Variants in CORO1A observed in about 807,000 individuals in gnomAD.
CORO1A encodes the protein coronin-1A.
In CORO1A, 17 loss-of-function variants were observed where a neutral mutation model predicts 44.1. The observed-to-expected ratio is 0.39, with a 90% CI of 0.26 to 0.58. The LOEUF is 0.58. Among genes scored for constraint, CORO1A ranks in the 20% least tolerant of loss-of-function variants. CORO1A has a pLI of 0.62. For synonymous variants in CORO1A, 271 were observed against 244.2 expected (o/e 1.11, Z -1.02); for missense variants, 415 against 606.5 (o/e 0.68, Z 3.32).
Position 30,187,252 on chromosome 16 carries a change from C to T in CORO1A, c.636+29C>T, listed in dbSNP as rs748496776. 5.6e-6 allele frequency: 9 copies of T among 1,608,014 alleles called. No individual in the cohort carries two copies. In the East Asian group the frequency reaches 1.1e-4, roughly 20 times the overall value. On this transcript the variant is annotated intron_variant, in intron 5 of 10. Transcript: ENST00000219150. ...AGTCGCCATCTACCCTGACCTTTGA[C>T]CCTACAGCCTTTATCCTTCTTATCC... is the stretch of plus-strand genomic sequence containing the variant.
chr16:30,186,515 C>A (rs2073335935), intron 2 of CORO1A, 83 bp from the exon 3 acceptor site: 2 of 1,541,998 alleles, frequency 1.3e-6, no homozygotes, highest in African/African-American at 2.7e-5. Context: ...GCTTTCCTCT[C>A]TGGGCCTCTC....
chr16:30,187,242 T>G lies in CORO1A; in HGVS notation c.636+19T>G. 1 of 1,609,184 alleles carries G rather than the reference T, an allele frequency of 6.2e-7. No individual in the cohort carries two copies. The highest frequency in any genetic ancestry group is 8.5e-7 in the Non-Finnish European group (1 of 1,179,922). ...CGTAGCTGTGAGTCGCCATCTACCC[T>G]GACCTTTGACCCTACAGCCTTTATC... On this transcript the variant is annotated intron_variant, in intron 5 of 10. Transcript: ENST00000219150.
rs1282562636 is a variant in CORO1A at position 30,186,875 on chromosome 16, G to A, written c.381G>A (p.Leu127=). The A allele has an allele frequency of 8.7e-6, 14 of 1,612,388 alleles. No homozygotes were observed. Among genetic ancestry groups the A allele is most frequent in the Non-Finnish European group, 1.2e-5 (14 of 1,180,002 alleles). ...MLPLREPVVT[L]EGHTKRVGIV... ...CCCTGCGGGAGCCCGTCGTCACCCT[G>A]GAGGGCCACACCAAGCGTGTGGGCA... Residue 127 remains leucine (L), a synonymous_variant, in exon 4 of 11, where the codon CTG becomes CTA. Transcript: ENST00000219150.
intron 5 of CORO1A, 39 bp from the exon 6 acceptor site, chr16:30,187,343 T>A: frequency 1.2e-6 from 2 of 1,608,048 alleles, no homozygotes; most frequent in African/African-American, 2.7e-5. Flanking sequence ...CCGTAGGGTA[T>A]GTACGGGTGC....
Position 30,188,465 on chromosome 16 carries a change from C to A in CORO1A, c.1170C>A (p.Ile390=). 1.2e-6 allele frequency: 2 copies of A among 1,613,422 alleles called. No homozygotes were observed. Among genetic ancestry groups the A allele is most frequent in the Non-Finnish European group, 1.7e-6 (2 of 1,180,008 alleles). ...GTCGGGATGCTGGGCCCCTCCTCAT[C>A]TCCCTCAAGGATGGCTACGTACCCC... ...LGGRDAGPLL[I]SLKDGYVPPK... The change falls in exon 10 of 11, where the codon ATC becomes ATA. Residue 390 remains isoleucine, a synonymous_variant. Coordinates refer to ENST00000219150, the MANE Select transcript of CORO1A (RefSeq NM_007074.4).
At position 30,187,844 on chromosome 16, in the gene CORO1A, C is replaced by T. The variant is rs565893372; in HGVS notation, c.861+15C>T. 17 of 83,508 alleles carry T rather than the reference C, an allele frequency of 2.0e-4. No homozygotes were observed. Among genetic ancestry groups the T allele is most frequent in the Middle Eastern group, 1.4e-3 (1 of 696 alleles). 5.2% of individuals were successfully genotyped at this position (83,508 alleles called of 1,614,324 possible). A position where few individuals can be genotyped will look rare whatever the true frequency, so the allele number is the denominator to read the frequency against. On this transcript the variant is annotated intron_variant, in intron 7 of 10. Coordinates refer to ENST00000219150, the MANE Select transcript of CORO1A (RefSeq NM_007074.4). ...TCTGTGGCAAGGTGGCCTCGTCGGG[C>T]GGGGTGGGGGTGGGAGGTGGGCAGG...
rs1371784263 is a variant in CORO1A, at chr16:30,186,823, A to G, written c.329A>G (p.Glu110Gly). Reference sequence around the variant, plus strand: ...CTGGCCCCTCCTCTGCAGGTGTGGGAGATCCCAGATGGGGGCCTGATGCTG... The same window carrying G: ...CTGGCCCCTCCTCTGCAGGTGTGGGGGATCCCAGATGGGGGCCTGATGCTG... ...GSEDCTVMVW[E>G]IPDGGLMLPL... The change falls in exon 4 of 11, where the codon GAG (glutamate) becomes GGG (glycine). Residue 110 changes from glutamate (E) to glycine (G), a missense_variant. By Grantham distance (98) the Glu-to-Gly change is moderately conservative. This residue lies in a region of CORO1A where 325 missense variants were observed against 521.7 expected (regional missense o/e 0.62). Transcript: ENST00000219150. 3.1e-6 allele frequency: 5 copies of G among 1,610,776 alleles called. No homozygotes were observed. Among genetic ancestry groups the G allele is most frequent in the Non-Finnish European group, 3.4e-6 (4 of 1,179,970 alleles).
At position 30,186,822 on chromosome 16, in the gene CORO1A, GAGATCCC is replaced by G; in HGVS notation, c.333_339del (p.Ile111MetfsTer4). 6.2e-7 allele frequency: 1 copy of G among 1,610,796 alleles called. No homozygotes were observed. Among genetic ancestry groups the G allele is most frequent in the Non-Finnish European group, 8.5e-7 (1 of 1,179,986 alleles). On this transcript the variant is annotated frameshift_variant, in exon 4 of 11. Transcript: ENST00000219150. LOFTEE classifies it high-confidence loss of function. ...ACTGGCCCCTCCTCTGCAGGTGTGG[GAGATCCC>G]AGATGGGGGCCTGATGCTGCCCCTG...
rs775744341 is a variant in CORO1A, at chr16:30,188,239, T to C, written c.1055T>C (p.Val352Ala). The C allele has an allele frequency of 6.2e-7, 1 of 1,614,012 alleles. No individual in the cohort carries two copies. Among genetic ancestry groups the C allele is most frequent in the South Asian group, 1.1e-5 (1 of 91,088 alleles). Residue 352 changes from valine to alanine, a missense_variant, in exon 9 of 11, where the codon GTG becomes GCG. Physicochemically the swap from Val to Ala is moderately conservative, Grantham distance 64. Coordinates refer to ENST00000219150, the MANE Select transcript of CORO1A (RefSeq NM_007074.4). ...AGGTGTGAGCCCATTGCCATGACAG[T>C]GCCTCGAAAGGTGATGCTCCCCCGC... ...ERRCEPIAMT[V>A]PRKSDLFQED...
chr16:30,185,543 C>G, intron 2 of CORO1A, 136 bp downstream of exon 2: 1 of 703,598 alleles, frequency 1.4e-6, no homozygotes, highest in Non-Finnish European at 2.4e-6. Context: ...GCCCCATGAG[C>G]CTTACACTTC....
intron 2 of CORO1A, chr16:30,185,695 T>G: frequency 4.1e-6 from 2 of 489,466 alleles, no homozygotes; most frequent in Non-Finnish European, 7.4e-6. Flanking sequence ...TGGGGCTTTC[T>G]CCCCATGGAA....
rs143729497 is a variant in CORO1A, at chr16:30,187,483, G to A, written c.738G>A (p.Gln246=). The A allele has an allele frequency of 3.0e-3, 4,788 of 1,606,280 alleles. 18 individuals carry two copies. The highest frequency in any genetic ancestry group is 3.7e-3 in the Non-Finnish European group (4,329 of 1,179,892). ...TTGFSRMSER[Q]VALWDTKHLE... ...GCTTCAGCCGCATGAGTGAGCGGCA[G>A]GTGGCGCTGTGGGACACAGTGAGTG... Residue 246 remains glutamine (Q), a synonymous_variant, in exon 6 of 11, where the codon CAG becomes CAA. Transcript: ENST00000219150.
chr16:30,187,342 A>G (rs753833218), intron 5 of CORO1A, 40 bp from the exon 6 acceptor site: 37 of 1,607,732 alleles, frequency 2.3e-5, no homozygotes, highest in Middle Eastern at 3.3e-4. Flanking sequence ...CCCGTAGGGT[A>G]TGTACGGGTG....
intron 2 of CORO1A, 178 bp from the exon 3 acceptor site, chr16:30,186,420 A>G (rs1193964467): frequency 2.8e-6 from 2 of 716,526 alleles, no homozygotes; most frequent in Non-Finnish European, 2.4e-6. Context: ...GGGTTTGCCC[A>G]GGCCATTTTG....
In CORO1A at chr16:30,184,901, G is replaced by A. The variant is rs2073316591; in HGVS notation, c.-1-308G>A. The A allele has an allele frequency of 4.0e-6, 2 of 495,794 alleles. No individual in the cohort carries two copies. The highest frequency in any genetic ancestry group is 7.4e-6 in the Non-Finnish European group (2 of 270,660). The allele number at this position is 495,794 out of a possible 1,614,324, so 30.7% of individuals were successfully genotyped here. Reference sequence around the variant, plus strand: ...GGAAGGACGGGCTCTGCATCCATCAGCCAGTCAGTCAACAAACATGCAGTG... The same window carrying A: ...GGAAGGACGGGCTCTGCATCCATCAACCAGTCAGTCAACAAACATGCAGTG... On this transcript the variant is annotated intron_variant, in intron 1 of 10. Coordinates refer to ENST00000219150, the MANE Select transcript of CORO1A (RefSeq NM_007074.4). This position sits in a 1 kb window ranked among gnomAD's most constrained non-coding sequence, Gnocchi z 4.3.
At chr16:30,186,461 C>T (rs1034182464) in intron 2 of CORO1A, 137 bp from the exon 3 acceptor site, 2 of 1,060,440 alleles carry the variant, frequency 1.9e-6, no homozygotes, top group Non-Finnish European at 2.9e-6. Flanking sequence ...CAACCCGCCC[C>T]CGTCCCCACC....
At chr16:30,188,154 C>T in intron 8 of CORO1A, 38 bp from the exon 9 acceptor site, 1 of 1,613,668 alleles carries the variant, frequency 6.2e-7, no homozygotes, top group Non-Finnish European at 8.5e-7. Context: ...GCCCACCCAA[C>T]CAGACTGTGG....
At chr16:30,186,239 T>A in intron 2 of CORO1A, 1 of 362,888 alleles carries the variant, frequency 2.8e-6, no homozygotes, top group Non-Finnish European at 5.4e-6. Flanking sequence ...CCAGCCCCCA[T>A]ACACCTGTCC....
chr16:30,187,102 C>T lies in CORO1A; in HGVS notation c.515C>T (p.Pro172Leu), dbSNP rs1278459077. The T allele has an allele frequency of 4.3e-6, 7 of 1,613,974 alleles. No individual in the cohort carries two copies. In the South Asian group the frequency reaches 6.6e-5, roughly 15 times the overall value. ...GGGGCGGCCATGCTGACACTGGGCC[C>T]AGAGGTGCACCCAGACACGATCTAC... ...GTGAAMLTLGPEVHPDTIYSV... is the reference protein window; with the variant it reads ...GTGAAMLTLGLEVHPDTIYSV... The change falls in exon 5 of 11, where the codon CCA becomes CTA. Residue 172 changes from proline to leucine, a missense_variant. Physicochemically the swap from Pro to Leu is moderately conservative, Grantham distance 98. This residue lies in a region of CORO1A where 325 missense variants were observed against 521.7 expected (regional missense o/e 0.62). Coordinates refer to ENST00000219150, the MANE Select transcript of CORO1A (RefSeq NM_007074.4).
Sources: allele counts gnomAD v4.1 joint callset, GRCh38; gene constraint gnomAD v4.1.1; regional missense constraint gnomAD v4.1.1; non-coding constraint Gnocchi (gnomAD v3.1); transcripts MANE v1.5; gene names NCBI Gene and HGNC (gene_info 2026-07-23, HGNC 2026-07-21).